KHNYN: variants seen among roughly 807,000 people sequenced by gnomAD.
KHNYN encodes protein KHNYN.
A neutral mutation model predicts 62.7 loss-of-function variants in KHNYN; 42 were observed. The ratio of observed to expected loss-of-function variants is 0.67; its 90% CI spans 0.52 to 0.87. The LOEUF (loss-of-function observed/expected upper bound fraction) is 0.87. KHNYN is among the 40% of genes least tolerant of loss of function. The pLI is 0.00. For missense variants in KHNYN, 829 were observed against 874.1 expected, an observed-to-expected ratio of 0.95 and a Z score of 0.65; for synonymous variants, 347 against 345.6, an observed-to-expected ratio of 1.00 and a Z score of -0.04.
rs769628410 is a variant in KHNYN at position 24,430,947 on chromosome 14, C to A, written c.201+16C>A. On this transcript the variant is annotated intron_variant, in intron 2 of 7. Coordinates refer to ENST00000553935, the MANE Select transcript of KHNYN (RefSeq NM_015299.3). ...CAGAGCCAAGGTGAACGCCTTCTCT[C>A]CCCCATCCCTCCAGGCACCAAGGAC... The A allele has an allele frequency of 3.1e-6, 5 of 1,602,896 alleles. No homozygotes were observed. Among genetic ancestry groups the A allele is most frequent in the Non-Finnish European group, 3.4e-6 (4 of 1,171,926 alleles).
chr14:24,428,843 C>A (rs145699313), upstream of KHNYN: 1 of 1,612,548 alleles, frequency 6.2e-7, no homozygotes, highest in Non-Finnish European at 8.5e-7. Flanking sequence ...AAATGCCACT[C>A]GCCCAGGGGG....
At chr14:24,427,476 A>G (rs1040660855), upstream of KHNYN, 1 of 327,642 alleles carries the variant, frequency 3.1e-6, no homozygotes, top group East Asian at 7.5e-5. This position sits in a 1 kb window ranked among gnomAD's most constrained non-coding sequence, Gnocchi z 4.4. Context: ...GGGGAACCGG[A>G]GGAGCAGAGG....
chr14:24,430,202 A>G, intron 1 of KHNYN, 83 bp downstream of exon 1: 1 of 946,960 alleles, frequency 1.1e-6, no homozygotes, highest in Non-Finnish European at 1.3e-6. Flanking sequence ...TGGCTGCCCC[A>G]GTCCGCGGTG....
chr14:24,428,711 T>C, upstream of KHNYN: 3 of 1,529,858 alleles, frequency 2.0e-6, no homozygotes, highest in Non-Finnish European at 2.6e-6. Flanking sequence ...TCCAGGTCCT[T>C]GCAGGGTCTT....
rs779142742 is a variant in KHNYN, at chr14:24,441,627, C to T, written c.*4342C>T. On this transcript the variant is annotated 3_prime_UTR_variant, in exon 8 of 8. Transcript: ENST00000553935. Reference sequence around the variant, plus strand: ...GCATAGCTACAGAGGTCTGAGTTACCCCGTTCCCCTGGCGAATATAAGGGG... The same window carrying T: ...GCATAGCTACAGAGGTCTGAGTTACTCCGTTCCCCTGGCGAATATAAGGGG... The T allele has an allele frequency of 3.3e-5, 50 of 1,515,264 alleles. 1 individual carries two copies. The highest frequency in any genetic ancestry group is 2.7e-4 in the South Asian group (22 of 81,464). The allele number at this position is 1,515,264 out of a possible 1,614,324, so 93.9% of individuals were successfully genotyped here.
chr14:24,435,960 T>C, intron 5 of KHNYN, 112 bp from the exon 6 acceptor site: 2 of 789,388 alleles, frequency 2.5e-6, no homozygotes, highest in Admixed American at 3.8e-5. Flanking sequence ...CATAGATATA[T>C]TGCATAGTGG....
upstream of KHNYN, chr14:24,426,411 G>A (rs763328578): frequency 6.6e-6 from 1 of 152,120 alleles, no homozygotes; most frequent in Non-Finnish European, 1.5e-5. Context: ...CAGTTTCTAA[G>A]AATGGATATC....
At position 24,440,310 on chromosome 14, in the gene KHNYN, C is replaced by G. The variant is rs1594762375; in HGVS notation, c.*3025C>G. On this transcript the variant is annotated 3_prime_UTR_variant, in exon 8 of 8. Coordinates refer to ENST00000553935, the MANE Select transcript of KHNYN (RefSeq NM_015299.3). ...TCAGCATTAGTGGCGGAGGATGGAG[C>G]CACTCCATTCAGGACCCCGTGCACG... 3.7e-6 allele frequency: 6 copies of G among 1,614,000 alleles called. No homozygotes were observed. Among genetic ancestry groups the G allele is most frequent in the South Asian group, 3.3e-5 (3 of 91,084 alleles).
upstream of KHNYN, chr14:24,428,782 G>A (rs751409484): frequency 1.6e-5 from 25 of 1,603,494 alleles, no homozygotes; most frequent in South Asian, 2.7e-4. Flanking sequence ...CCCCACTGGT[G>A]CCATTGCCGG....
At chr14:24,424,219 T>C in the KHNYN span, among the ~76,000 whole-genome samples, 6 of 152,260 alleles carry the variant, frequency 3.9e-5, no homozygotes, top group African/African-American at 1.2e-4. Context: ...AATTTAGATA[T>C]CTAAAATAAA....
In KHNYN at chr14:24,440,795, C is replaced by T; in HGVS notation, c.*3510C>T. 1 of 1,613,976 alleles carries T rather than the reference C, an allele frequency of 6.2e-7. No homozygotes were observed. The highest frequency in any genetic ancestry group is 8.5e-7 in the Non-Finnish European group (1 of 1,179,854). On this transcript the variant is annotated 3_prime_UTR_variant, in exon 8 of 8. Coordinates refer to ENST00000553935, the MANE Select transcript of KHNYN (RefSeq NM_015299.3). Reference sequence around the variant, plus strand: ...GCCCGTTTCTCACCTGAGCGCACCACCACCTGGCGTGTAGAATCTCCAGGA... The same window carrying T: ...GCCCGTTTCTCACCTGAGCGCACCATCACCTGGCGTGTAGAATCTCCAGGA...
In KHNYN at chr14:24,440,124, A is replaced by G; in HGVS notation, c.*2839A>G. On this transcript the variant is annotated 3_prime_UTR_variant, in exon 8 of 8. Coordinates refer to ENST00000553935, the MANE Select transcript of KHNYN (RefSeq NM_015299.3). ...TTTAAGGCAGCCCCTAGCTCTGGGA[A>G]GGAATACTGGTAGCCAGTGGCCAGT... 1 of 1,611,246 alleles carries G rather than the reference A, an allele frequency of 6.2e-7. No individual in the cohort carries two copies. The highest frequency in any genetic ancestry group is 8.5e-7 in the Non-Finnish European group (1 of 1,177,908).
Position 24,441,634 on chromosome 14 carries a change from C to T in KHNYN, c.*4349C>T, listed in dbSNP as rs769611276. ...TACAGAGGTCTGAGTTACCCCGTTC[C>T]CCTGGCGAATATAAGGGGCTGGTGA... On this transcript the variant is annotated 3_prime_UTR_variant, in exon 8 of 8. Coordinates refer to ENST00000553935, the MANE Select transcript of KHNYN (RefSeq NM_015299.3). 22 of 1,536,852 alleles carry T rather than the reference C, an allele frequency of 1.4e-5. No homozygotes were observed. The Admixed American group carries it at 4.8e-4, about 34-fold the overall frequency.
rs11625819 is a variant in KHNYN, at chr14:24,441,767, T to G, written c.*4482T>G. On this transcript the variant is annotated 3_prime_UTR_variant, in exon 8 of 8. Coordinates refer to ENST00000553935, the MANE Select transcript of KHNYN (RefSeq NM_015299.3). ...TGGGTGGTCTCTAGGCGGCTGCCGA[T>G]TACCTCTTTTTGGAAGGTTTCATTC... 0.88 allele frequency: 1,409,653 copies of G among 1,600,802 alleles called. 626,541 individuals are homozygous for G. The highest frequency in any genetic ancestry group is 0.9 in the Non-Finnish European group (1,061,928 of 1,175,758).
chr14:24,434,395 A>G (rs1754409686), intron 5 of KHNYN: 2 of 984,564 alleles, frequency 2.0e-6, no homozygotes, highest in African/African-American at 3.5e-5. Context: ...CCATAAGTGT[A>G]CCATATAATT....
At chr14:24,426,941 G>A, upstream of KHNYN, 1 of 152,428 alleles carries the variant, frequency 6.6e-6, no homozygotes. Context: ...AGGGACTAAA[G>A]TTCAAACTTC....
chr14:24,428,259 G>C, upstream of KHNYN: 1 of 1,611,802 alleles, frequency 6.2e-7, no homozygotes, highest in Admixed American at 1.7e-5. Flanking sequence ...CTCCTGAGCC[G>C]GGGATGGGGG....
Position 24,430,939 on chromosome 14 carries a change from C to A in KHNYN, c.201+8C>A. 1 of 1,607,758 alleles carries A rather than the reference C, an allele frequency of 6.2e-7. No individual in the cohort carries two copies. ...AACGCCAGCAGAGCCAAGGTGAACG[C>A]CTTCTCTCCCCCATCCCTCCAGGCA... On this transcript the variant is annotated splice_region_variant and intron_variant, in intron 2 of 7. Transcript: ENST00000553935.
At position 24,430,859 on chromosome 14, in the gene KHNYN, G is replaced by A. The variant is rs372676908; in HGVS notation, c.129G>A (p.Pro43=). 6.8e-6 allele frequency: 11 copies of A among 1,613,832 alleles called. No homozygotes were observed. The highest frequency in any genetic ancestry group is 1.3e-5 in the African/African-American group (1 of 74,928). ...TCAGCGTGGGGGTGAGCGTCCTTCC[G>A]AAGGACTGTCCGGACAACCCCCACA... The part of the protein sequence containing the change: ...RIFSVGVSVL[P]KDCPDNPHIW... The change falls in exon 2 of 8, where the codon CCG becomes CCA. Residue 43 remains proline (P), a synonymous_variant. Transcript: ENST00000553935.
Sources: allele counts gnomAD v4.1 joint callset (sites outside exome capture counted in the v4.1 genomes callset), GRCh38; gene constraint gnomAD v4.1.1; non-coding constraint Gnocchi (gnomAD v3.1); transcripts MANE v1.5; gene names NCBI Gene and HGNC (gene_info 2026-07-23, HGNC 2026-07-21).